MDM1: variants seen among roughly 807,000 people sequenced by gnomAD.
MDM1 encodes the protein Mdm1 nuclear protein.
MDM1 carries 61 observed loss-of-function variants against 89.1 expected under a neutral mutation model. The observed-to-expected ratio is 0.68, with a 90% CI of 0.56 to 0.85. The LOEUF is 0.85. Among genes scored for constraint, MDM1 ranks in the 40% least tolerant of loss-of-function variants. The pLI is 0.00. For missense variants in MDM1, 820 were observed against 846.5 expected, an observed-to-expected ratio of 0.97 and a Z score of 0.39; for synonymous variants, 290 against 294.1, an observed-to-expected ratio of 0.99 and a Z score of 0.14.
chr12:68,325,758 A>G, intron 3 of MDM1, 183 bp from the exon 4 acceptor site: 1 of 1,236,766 alleles, frequency 8.1e-7, no homozygotes, highest in Non-Finnish European at 1.0e-6. Flanking sequence ...TATAAATAGT[A>G]TCTTTTTTCA....
chr12:68,295,542 A>G (rs1259901799), intron 14 of MDM1, among the ~76,000 whole-genome samples, 176 bp from the exon 15 acceptor site: 1 of 152,260 alleles, frequency 6.6e-6, no homozygotes, highest in Admixed American at 6.5e-5. Flanking sequence ...GATACCTCAC[A>G]GTAGTTTTCC....
In MDM1 at chr12:68,296,937, G is replaced by T; in HGVS notation, c.2048C>A (p.Ala683Asp). Residue 683 changes from alanine (A) to aspartate (D), a missense_variant, in exon 14 of 15, where the codon GCC becomes GAC. Ala to Asp is a moderately radical substitution (Grantham distance 126). Transcript: ENST00000682720. ...MNNLQLPQHE[A>D]FNDEDEDRLS... ...TACTGAAATACCTTCATCATTAAAG[G>T]CTTCATGTTGAGGTAACTGCAAATT... 1.9e-6 allele frequency: 3 copies of T among 1,588,650 alleles called. No homozygotes were observed. The highest frequency in any genetic ancestry group is 2.6e-6 in the Non-Finnish European group (3 of 1,169,962).
chr12:68,303,794 T>A (rs78814909), intron 12 of MDM1, among the ~76,000 whole-genome samples: 1,935 of 152,322 alleles, frequency 0.013, 43 homozygotes, highest in African/African-American at 0.044. Flanking sequence ...AACACATATA[T>A]ACCTAAATAC....
At chr12:68,308,187 G>A (rs371136720) in intron 12 of MDM1, among the ~76,000 whole-genome samples, 95 of 149,238 alleles carry the variant, frequency 6.4e-4, no homozygotes, top group African/African-American at 2.1e-3. Flanking sequence ...GTGCAGTGGC[G>A]CGATCTCAGC....
rs1318543140 is a variant in MDM1, at chr12:68,316,105, C to G, written c.1184G>C (p.Ser395Thr). 6.2e-7 allele frequency: 1 copy of G among 1,612,684 alleles called. No individual in the cohort carries two copies. The highest frequency in any genetic ancestry group is 2.2e-5 in the East Asian group (1 of 44,828). ...STTSSEGTVS[S>T]NIRALDLAGD... ...AGCAAGATCTAATGCTCTGATGTTG[C>G]TACTAACGGTTCCTTCTGAGCTTGT... Residue 395 changes from serine (S) to threonine (T), a missense_variant, in exon 9 of 15, where the codon AGC becomes ACC. By Grantham distance (58) the Ser-to-Thr change is moderately conservative. Coordinates refer to ENST00000682720, the MANE Select transcript of MDM1 (RefSeq NM_001354969.2).
At chr12:68,298,315 A>G (rs900057319) in intron 13 of MDM1, among the ~76,000 whole-genome samples, 1 of 152,136 alleles carries the variant, frequency 6.6e-6, no homozygotes, top group Non-Finnish European at 1.5e-5. Context: ...CCTATCTACA[A>G]CCAAGGAATC....
At chr12:68,316,365 G>A in intron 8 of MDM1, 112 bp from the exon 9 acceptor site, 1 of 1,256,212 alleles carries the variant, frequency 8.0e-7, no homozygotes, top group East Asian at 2.5e-5. Flanking sequence ...AAAGACAAAG[G>A]AAGGCAAAAT....
chr12:68,317,638 C>A (rs903630859), intron 7 of MDM1, among the ~76,000 whole-genome samples: 1 of 152,098 alleles, frequency 6.6e-6, no homozygotes, highest in East Asian at 1.9e-4. Flanking sequence ...GAAATATTTT[C>A]TTCACTGCCA....
At chr12:68,307,363 T>C (rs61923290) in intron 12 of MDM1, among the ~76,000 whole-genome samples, 47,827 of 152,162 alleles carry the variant, frequency 0.31, 8,540 homozygotes, top group Admixed American at 0.38. Flanking sequence ...CTGGGCACAG[T>C]GGCTCAAGCC....
At position 68,316,159 on chromosome 12, in the gene MDM1, C is replaced by T. The variant is rs1213002648; in HGVS notation, c.1130G>A (p.Ser377Asn). The change falls in exon 9 of 15, where the codon AGC becomes AAC. Residue 377 changes from serine (S) to asparagine (N), a missense_variant. Transcript: ENST00000682720. ...RDHLNQILSDSNCCWDVSSTT... is the reference protein window; with the variant it reads ...RDHLNQILSDNNCCWDVSSTT... ...TGAGGAGACATCCCAACAGCAGTTG[C>T]TATCAGATAAAATCTGATTCAGATG... 1.9e-6 allele frequency: 3 copies of T among 1,613,934 alleles called. No individual in the cohort carries two copies. The African/African-American group carries it at 4.0e-5, about 22-fold the overall frequency.
chr12:68,307,931 C>T (rs1455103766), intron 12 of MDM1, among the ~76,000 whole-genome samples: 4 of 142,710 alleles, frequency 2.8e-5, no homozygotes, highest in African/African-American at 1.0e-4. Flanking sequence ...GAGCAAGACC[C>T]TGTCTCAAAA....
intron 2 of MDM1, among the ~76,000 whole-genome samples, chr12:68,330,384 C>T (rs570200617): frequency 9.8e-5 from 15 of 152,308 alleles, no homozygotes; most frequent in African/African-American, 2.9e-4. Flanking sequence ...TATCACCAGA[C>T]GAACCCCAAA....
intron 7 of MDM1, among the ~76,000 whole-genome samples, chr12:68,320,394 A>C (rs568949137): frequency 1.4e-5 from 2 of 145,422 alleles, no homozygotes; most frequent in Admixed American, 7.1e-5. Context: ...GAGAAGTAGA[A>C]AGAAAGCAAA....
chr12:68,296,274 C>A (rs770777600), intron 14 of MDM1, among the ~76,000 whole-genome samples: 14 of 152,116 alleles, frequency 9.2e-5, no homozygotes, highest in Non-Finnish European at 1.8e-4. Flanking sequence ...CCAAGGTGGG[C>A]GGATCACAAG....
intron 13 of MDM1, among the ~76,000 whole-genome samples, chr12:68,298,311 T>A (rs898379462): frequency 6.6e-6 from 1 of 152,144 alleles, no homozygotes; most frequent in African/African-American, 2.4e-5. Flanking sequence ...TAAGCCTATC[T>A]ACAACCAAGG....
intron 2 of MDM1, among the ~76,000 whole-genome samples, chr12:68,327,732 G>C (rs1423578948): frequency 1.3e-5 from 2 of 152,120 alleles, no homozygotes; most frequent in Non-Finnish European, 2.9e-5. Context: ...AGGGAAGGTG[G>C]AAAGAAAATT....
In MDM1 at chr12:68,327,388, T is replaced by C. The variant is rs776832546; in HGVS notation, c.134-367A>G. ...TTTCCTGTGCTACTTAACAGAACAA[T>C]GGGCCCTGGTACTGTCAAAATTTGG... On this transcript the variant is annotated intron_variant, in intron 2 of 14. Transcript: ENST00000682720. 2.9e-5 allele frequency: 44 copies of C among 1,535,052 alleles called. 1 individual carries two copies. The South Asian group carries it at 3.7e-4, about 13-fold the overall frequency.
chr12:68,317,879 T>C (rs925020086), intron 7 of MDM1, among the ~76,000 whole-genome samples: 11 of 152,220 alleles, frequency 7.2e-5, no homozygotes, highest in Admixed American at 2.6e-4. Context: ...TCAGGGCCAC[T>C]CCATCACCTA....
intron 4 of MDM1, chr12:68,324,859 T>G: frequency 3.2e-6 from 1 of 313,500 alleles, no homozygotes; most frequent in Non-Finnish European, 4.6e-6. Context: ...TATCTATTAG[T>G]AATGGTATCT....
Sources: gnomAD v4.1 joint callset for allele counts (sites outside exome capture counted in the v4.1 genomes callset) on GRCh38, gnomAD v4.1.1 for gene constraint, MANE v1.5 for transcripts, NCBI Gene and HGNC (gene_info 2026-07-23, HGNC 2026-07-21) for gene names.